ATIC: variants seen among roughly 807,000 people sequenced by gnomAD.
The protein encoded by ATIC is bifunctional purine biosynthesis protein ATIC.
In ATIC, 64 loss-of-function variants were observed where a neutral mutation model predicts 72.5. The observed-to-expected ratio is 0.88, with a 90% CI of 0.72 to 1.09. The LOEUF (loss-of-function observed/expected upper bound fraction) is 1.09, where lower values mean the gene tolerates loss of function less well. Ranked by LOEUF, ATIC falls within the 50% of genes least tolerant of loss-of-function variation. ATIC has a pLI of 0.00. For missense variants in ATIC, 787 were observed against 732.4 expected, an observed-to-expected ratio of 1.07 and a Z score of -0.86; for synonymous variants, 281 against 267.1, an observed-to-expected ratio of 1.05 and a Z score of -0.51.
chr2:215,326,286 C>A, intron 6 of ATIC, 148 bp downstream of exon 6: 2 of 1,070,968 alleles, frequency 1.9e-6, no homozygotes, highest in Non-Finnish European at 2.7e-6. Context: ...GAGAAACCAG[C>A]TATTACAGAG....
chr2:215,318,694 A>C (rs1392247835), intron 3 of ATIC, among the ~76,000 whole-genome samples: 1 of 152,122 alleles, frequency 6.6e-6, no homozygotes, highest in Non-Finnish European at 1.5e-5. Context: ...CTAGTTTGTC[A>C]GTTGTGGTAC....
chr2:215,356,970 G>T, the ATIC span, among the ~76,000 whole-genome samples: 3 of 152,224 alleles, frequency 2.0e-5, no homozygotes, highest in African/African-American at 4.8e-5. Context: ...CTGTGAAGTC[G>T]TATGGTAACT....
intron 9 of ATIC, 59 bp downstream of exon 9, chr2:215,333,516 AATAGAATAAAGAGG>A (rs1340136690): frequency 2.2e-6 from 3 of 1,383,964 alleles, no homozygotes; most frequent in Non-Finnish European, 3.1e-6. Flanking sequence ...TTTTATCCTA[AATAGAATAAAGAGG>A]ATAGAATAAA....
intron 12 of ATIC, among the ~76,000 whole-genome samples, chr2:215,343,404 T>C (rs918686865): frequency 3.9e-5 from 6 of 152,200 alleles, no homozygotes; most frequent in African/African-American, 1.4e-4. Flanking sequence ...TGGCATGATC[T>C]TGTCTCACTG....
At chr2:215,359,373 A>T in the ATIC span, among the ~76,000 whole-genome samples, 2 of 152,124 alleles carry the variant, frequency 1.3e-5, no homozygotes, top group African/African-American at 4.8e-5. Context: ...TACTTTTTGC[A>T]GCACATGTGT....
At chr2:215,334,833 A>G in intron 9 of ATIC, 86 bp from the exon 10 acceptor site, 1 of 1,099,274 alleles carries the variant, frequency 9.1e-7, no homozygotes, top group East Asian at 2.5e-5. Context: ...TAGAGTAATG[A>G]ATTTTATATG....
In ATIC at chr2:215,312,341, G is replaced by T. The variant is rs549768382; in HGVS notation, c.20-157G>T. 41 of 1,506,816 alleles carry T rather than the reference G, an allele frequency of 2.7e-5. No individual in the cohort carries two copies. The Admixed American group carries it at 5.7e-4, about 21-fold the overall frequency. The allele number at this position is 1,506,816 out of a possible 1,614,324, so 93.3% of individuals were successfully genotyped here. A position where few individuals can be genotyped will look rare whatever the true frequency, so the allele number is the denominator to read the frequency against. ...GGGGCCCGCCTTAGAGCAGCTCGCG[G>T]GTGTAAGACCTGGGGAGGCCCGGAC... On this transcript the variant is annotated intron_variant, in intron 1 of 15. Transcript: ENST00000236959.
chr2:215,312,314 G>C (rs777792282), intron 1 of ATIC, 153 bp downstream of exon 1: 1 of 1,449,696 alleles, frequency 6.9e-7, no homozygotes, highest in Non-Finnish European at 9.3e-7. Flanking sequence ...CGCAGCCTGC[G>C]TGGGGCCCGC....
At chr2:215,334,189 C>CTTTTTTTTTTTTTTTTTT (rs551274501) in intron 9 of ATIC, among the ~76,000 whole-genome samples, 1 of 101,004 alleles carries the variant, frequency 9.9e-6, no homozygotes. Context: ...AAAAGCTATT[C>CTTTTTTTTTTTTTTTTTT]TTTTTTTTTT....
At chr2:215,327,073 T>C in intron 7 of ATIC, 95 bp downstream of exon 7, 1 of 1,573,426 alleles carries the variant, frequency 6.4e-7, no homozygotes, top group Non-Finnish European at 8.7e-7. Context: ...CAGAAGATGA[T>C]ACATTCCGTA....
chr2:215,326,908 G>C lies in ATIC; in HGVS notation c.618G>C (p.Leu206Phe), dbSNP rs759604947. 6.2e-7 allele frequency: 1 copy of C among 1,614,138 alleles called. No individual in the cohort carries two copies. The highest frequency in any genetic ancestry group is 1.1e-5 in the South Asian group (1 of 91,078). Residue 206 changes from leucine to phenylalanine, a missense_variant, in exon 7 of 16, where the codon TTG (leucine) becomes TTC (phenylalanine). Leu to Phe is a conservative substitution (Grantham distance 22). Transcript: ENST00000236959. ...GCAAAGGCGTATCTCAGATGCCCTTGAGATATGGAATGAACCCACATCAGA... is the reference window on the plus strand; with the variant it reads ...GCAAAGGCGTATCTCAGATGCCCTTCAGATATGGAATGAACCCACATCAGA... Reference protein sequence around the residue: ...QYSKGVSQMPLRYGMNPHQTP... With the variant: ...QYSKGVSQMPFRYGMNPHQTP...
the ATIC span, chr2:215,360,839 A>G: frequency 6.5e-6 from 1 of 152,792 alleles, no homozygotes; most frequent in Non-Finnish European, 1.5e-5. Context: ...AAGGTGTCTT[A>G]TATCAAATAG....
intron 2 of ATIC, among the ~76,000 whole-genome samples, chr2:215,315,475 G>C (rs1446106527): frequency 1.3e-5 from 2 of 151,958 alleles, no homozygotes; most frequent in Admixed American, 6.6e-5. Context: ...TTCCACCTCA[G>C]CCTCCTGAGT....
chr2:215,352,468 C>G (rs7604297), downstream of ATIC, among the ~76,000 whole-genome samples: 141,061 of 152,000 alleles, frequency 0.93, 65,471 homozygotes, highest in East Asian at 1. Context: ...TGTAATTCCA[C>G]CTACTTGGGA....
In ATIC at chr2:215,326,949, A is replaced by G; in HGVS notation, c.659A>G (p.Tyr220Cys). The change falls in exon 7 of 16, where the codon TAC becomes TGC. Residue 220 changes from tyrosine to cysteine, a missense_variant. Tyr to Cys is a radical substitution (Grantham distance 194). Coordinates refer to ENST00000236959, the MANE Select transcript of ATIC (RefSeq NM_004044.7). ...MNPHQTPAQL[Y>C]TLQPKLPITV... ...CCACATCAGACCCCTGCCCAGCTGT[A>G]CACACTGCAGCCCAAGCTTCCCATC... The G allele has an allele frequency of 6.2e-7, 1 of 1,614,172 alleles. No individual in the cohort carries two copies.
intron 4 of ATIC, among the ~76,000 whole-genome samples, chr2:215,320,762 G>A (rs545617441): frequency 2.1e-4 from 32 of 152,142 alleles, no homozygotes; most frequent in African/African-American, 7.7e-4. Context: ...ACTATTTTTA[G>A]TAGAGATGGG....
At chr2:215,357,142 C>G in the ATIC span, among the ~76,000 whole-genome samples, 1 of 152,160 alleles carries the variant, frequency 6.6e-6, no homozygotes, top group African/African-American at 2.4e-5. Flanking sequence ...ACATCTGAAG[C>G]TGAATTACAG....
chr2:215,368,070 A>G, the ATIC span: 1 of 1,599,860 alleles, frequency 6.3e-7, no homozygotes, highest in Non-Finnish European at 8.6e-7. Flanking sequence ...ACATCTTATT[A>G]ATCGATTTGG....
chr2:215,318,014 A>T (rs966331630), intron 2 of ATIC, 143 bp from the exon 3 acceptor site: 3 of 718,610 alleles, frequency 4.2e-6, no homozygotes, highest in African/African-American at 1.8e-5. Flanking sequence ...GAAATAAAAT[A>T]TAGTGAAATA....
Sources: gnomAD v4.1 joint callset for allele counts (sites outside exome capture counted in the v4.1 genomes callset) on GRCh38, gnomAD v4.1.1 for gene constraint, MANE v1.5 for transcripts, NCBI Gene and HGNC (gene_info 2026-07-23, HGNC 2026-07-21) for gene names.